The following CXADR variants were observed in gnomAD, a reference collection of about 807,000 sequenced individuals.
The protein encoded by CXADR is CXADR cell adhesion molecule, also known as coxsackievirus and adenovirus receptor.
A neutral mutation model predicts 40.3 loss-of-function variants in CXADR; 20 were observed. The observed-to-expected ratio is 0.50, with a 90% CI of 0.35 to 0.72. The LOEUF is 0.72. CXADR is among the 30% of genes least tolerant of loss of function. The pLI, the probability that CXADR is intolerant of heterozygous loss-of-function variation, is 0.01. For missense variants in CXADR, 332 were observed against 449.1 expected, an observed-to-expected ratio of 0.74 and a Z score of 2.36; for synonymous variants, 150 against 161.3, an observed-to-expected ratio of 0.93 and a Z score of 0.53.
At chr21:17,626,495 A>T in the CXADR span, among the ~76,000 whole-genome samples, 1 of 152,052 alleles carries the variant, frequency 6.6e-6, no homozygotes, top group South Asian at 2.1e-4. Flanking sequence ...TTCTTACTTG[A>T]TGAAAAGTTT....
intron 1 of CXADR, among the ~76,000 whole-genome samples, chr21:17,543,511 A>G (rs896264797): frequency 6.6e-6 from 1 of 152,084 alleles, no homozygotes; most frequent in Non-Finnish European, 1.5e-5. Context: ...TTTTATTGTT[A>G]TTGATAGCAA....
intron 1 of CXADR, among the ~76,000 whole-genome samples, chr21:17,528,960 C>G (rs1260610039): frequency 6.6e-6 from 1 of 151,630 alleles, no homozygotes; most frequent in Non-Finnish European, 1.5e-5. Flanking sequence ...TTTGCTCCTA[C>G]TCACGGACTG....
the CXADR span, chr21:17,604,134 C>G: frequency 4.7e-6 from 6 of 1,285,126 alleles, no homozygotes; most frequent in Non-Finnish European, 6.1e-6. Flanking sequence ...AAGTATCACT[C>G]AGTCACTTAC....
chr21:17,610,503 A>G, the CXADR span, among the ~76,000 whole-genome samples: 1 of 152,232 alleles, frequency 6.6e-6, no homozygotes, highest in Non-Finnish European at 1.5e-5. Flanking sequence ...ACAAACTAAA[A>G]GAAATAATCA....
chr21:17,628,742 A>G, the CXADR span, among the ~76,000 whole-genome samples: 2 of 152,144 alleles, frequency 1.3e-5, no homozygotes, highest in African/African-American at 4.8e-5. Context: ...ACCTCAGGCA[A>G]TCCGCCCTCC....
At chr21:17,601,898 A>G in the CXADR span, among the ~76,000 whole-genome samples, 1 of 152,190 alleles carries the variant, frequency 6.6e-6, no homozygotes, top group African/African-American at 2.4e-5. Flanking sequence ...TTTGACACCT[A>G]GTTTGGTTCT....
chr21:17,540,149 C>T (rs1282878032), intron 1 of CXADR, among the ~76,000 whole-genome samples: 4 of 152,032 alleles, frequency 2.6e-5, no homozygotes, highest in Non-Finnish European at 4.4e-5. Flanking sequence ...CCGGTATTTC[C>T]TTCTCTTAAG....
intron 7 of CXADR, among the ~76,000 whole-genome samples, chr21:17,591,607 T>C (rs1254659446): frequency 6.6e-6 from 1 of 152,026 alleles, no homozygotes; most frequent in Admixed American, 6.6e-5. Flanking sequence ...ACTAAAACTT[T>C]TTTTTTCAAA....
intron 6 of CXADR, among the ~76,000 whole-genome samples, chr21:17,564,017 A>AAAAAC (rs200440006): frequency 1.3e-5 from 2 of 151,496 alleles, no homozygotes; most frequent in Admixed American, 1.3e-4. Flanking sequence ...TTTGTAAAGA[A>AAAAAC]AAAACAAAAC....
At chr21:17,620,667 G>T in the CXADR span, among the ~76,000 whole-genome samples, 1 of 151,966 alleles carries the variant, frequency 6.6e-6, no homozygotes, top group African/African-American at 2.4e-5. Context: ...TAAGTGAAGG[G>T]CAATAAAGCT....
chr21:17,522,195 C>T lies in CXADR; in HGVS notation c.43+9023C>T, dbSNP rs112992997. Among the ~76,000 whole-genome samples, 293 of 151,858 alleles carry T rather than the reference C, an allele frequency of 1.9e-3. 2 individuals carry two copies. The highest frequency in any genetic ancestry group is 6.8e-3 in the African/African-American group (283 of 41,400). ...CGGAGTTTTGCTCTTGTTGCCCAGG[C>T]TAGAGTGCAATGGCGCGATCTCGAC... On this transcript the variant is annotated intron_variant, in intron 1 of 6. Transcript: ENST00000284878.
chr21:17,594,313 G>A, downstream of CXADR: 1 of 1,612,608 alleles, frequency 6.2e-7, no homozygotes, highest in Non-Finnish European at 8.5e-7. Flanking sequence ...TGGAAGAGGT[G>A]GAAATATAAG....
intron 7 of CXADR, among the ~76,000 whole-genome samples, chr21:17,590,727 T>C (rs2061429000): frequency 6.6e-6 from 1 of 151,998 alleles, no homozygotes; most frequent in Non-Finnish European, 1.5e-5. Context: ...TCTGTTAAAT[T>C]GCCAAGTAAC....
At position 17,559,024 on chromosome 21, in the gene CXADR, G is replaced by A; in HGVS notation, c.464G>A (p.Gly155Glu). The A allele has an allele frequency of 1.9e-6, 3 of 1,613,902 alleles. No individual in the cohort carries two copies. Among genetic ancestry groups the A allele is most frequent in the Non-Finnish European group, 2.5e-6 (3 of 1,179,902 alleles). Residue 155 changes from glycine (G) to glutamate (E), a missense_variant, in exon 4 of 7, where the codon GGA (glycine) becomes GAA (glutamate). Transcript: ENST00000284878. ...TACGTTGATGGATCTGAAGAAATTG[G>A]AAGTGACTTTAAGATAAAATGTGAA... is the stretch of plus-strand genomic sequence containing the variant. ...RCYVDGSEEI[G>E]SDFKIKCEPK... is the part of the protein sequence containing the mutation.
chr21:17,629,181 A>AC, the CXADR span, among the ~76,000 whole-genome samples: 1 of 152,010 alleles, frequency 6.6e-6, no homozygotes, highest in African/African-American at 2.4e-5. Flanking sequence ...GGAGTTTGAG[A>AC]CCAGTCTGGC....
At chr21:17,570,341 C>CA (rs1569144970), downstream of CXADR, among the ~76,000 whole-genome samples, 1 of 152,144 alleles carries the variant, frequency 6.6e-6, no homozygotes, top group East Asian at 1.9e-4. Flanking sequence ...GGGGTTGAAA[C>CA]CTCCAACGTT....
downstream of CXADR, chr21:17,594,150 A>G (rs747355404): frequency 1.2e-6 from 2 of 1,613,182 alleles, no homozygotes; most frequent in African/African-American, 2.7e-5. Context: ...AATGCATTCC[A>G]GGAGGAGGTA....
the CXADR span, among the ~76,000 whole-genome samples, chr21:17,601,978 CTACTAT>C: frequency 6.6e-6 from 1 of 152,160 alleles, no homozygotes; most frequent in African/African-American, 2.4e-5. Context: ...GCTGACTATA[CTACTAT>C]AACATTACAA....
At chr21:17,596,704 A>C (rs529613371), downstream of CXADR, among the ~76,000 whole-genome samples, 3 of 152,208 alleles carry the variant, frequency 2.0e-5, no homozygotes, top group East Asian at 5.8e-4. Context: ...ATAGCTTTGA[A>C]TTAGTGTGAG....
Sources: allele counts gnomAD v4.1 joint callset (sites outside exome capture counted in the v4.1 genomes callset), GRCh38; gene constraint gnomAD v4.1.1; transcripts MANE v1.5; gene names NCBI Gene and HGNC (gene_info 2026-07-23, HGNC 2026-07-21).